GFRA1: variants seen among roughly 807,000 people sequenced by gnomAD.
GFRA1 encodes the protein GDNF family receptor alpha 1.
GFRA1 carries 16 observed loss-of-function variants against 51.6 expected under a neutral mutation model. That is an observed-to-expected ratio of 0.31 (90% CI 0.21 to 0.47). The LOEUF (loss-of-function observed/expected upper bound fraction) is 0.47. GFRA1 is among the 20% of genes least tolerant of loss of function. The pLI is 1.00. For synonymous variants in GFRA1, 270 were observed against 241.3 expected (o/e 1.12, Z -1.10); for missense variants, 530 against 594.3 (o/e 0.89, Z 1.13).
chr10:116,266,076 C>G (rs973798022), intron 4 of GFRA1, among the ~76,000 whole-genome samples: 1 of 152,164 alleles, frequency 6.6e-6, no homozygotes, highest in African/African-American at 2.4e-5. Flanking sequence ...CAACGGGCCA[C>G]TGATAATACC....
At chr10:116,076,565 G>A (rs188816978) in intron 9 of GFRA1, among the ~76,000 whole-genome samples, 1 of 152,302 alleles carries the variant, frequency 6.6e-6, no homozygotes, top group African/African-American at 2.4e-5. Flanking sequence ...TTCACATAAA[G>A]GTACCACACT....
At chr10:116,257,086 T>C (rs1968922476) in intron 4 of GFRA1, among the ~76,000 whole-genome samples, 1 of 152,188 alleles carries the variant, frequency 6.6e-6, no homozygotes, top group Non-Finnish European at 1.5e-5. Flanking sequence ...ACATCCCCAC[T>C]GTCCACCAGG....
chr10:116,072,708 T>C lies in GFRA1; in HGVS notation c.1198-7082A>G, dbSNP rs531336378. ...CCCGGGAGGGGGAGGTTGCAGTGAG[T>C]TGAGATCACACCACTGCACTCCAGC... On this transcript the variant is annotated intron_variant, in intron 9 of 10. Transcript: ENST00000355422. Among the ~76,000 whole-genome samples the C allele has an allele frequency of 4.6e-5, 7 of 151,726 alleles. No homozygotes were observed. In the East Asian group the frequency reaches 1.4e-3, roughly 29 times the overall value.
chr10:116,191,155 G>A (rs1963224628), intron 5 of GFRA1, among the ~76,000 whole-genome samples: 1 of 152,268 alleles, frequency 6.6e-6, no homozygotes, highest in Non-Finnish European at 1.5e-5. Flanking sequence ...GGAGACATTT[G>A]TTGAAAATTG....
chr10:116,212,026 A>ACTTT (rs1965230105), intron 4 of GFRA1, among the ~76,000 whole-genome samples: 1 of 152,238 alleles, frequency 6.6e-6, no homozygotes, highest in Non-Finnish European at 1.5e-5. Context: ...CAACAATCTT[A>ACTTT]TAAAGTAAGT....
intron 5 of GFRA1, among the ~76,000 whole-genome samples, chr10:116,168,617 G>A (rs1027542315): frequency 2.0e-5 from 3 of 152,156 alleles, no homozygotes; most frequent in African/African-American, 7.2e-5. Flanking sequence ...TTCCCTTCAG[G>A]TGGATCATGG....
At chr10:116,166,786 T>C (rs901700300) in intron 5 of GFRA1, among the ~76,000 whole-genome samples, 3 of 49,564 alleles carry the variant, frequency 6.1e-5, no homozygotes, top group African/African-American at 3.2e-4. Context: ...TCTTCTTTTT[T>C]TTTTTTTTTT....
intron 6 of GFRA1, among the ~76,000 whole-genome samples, chr10:116,109,981 G>C (rs1957145192): frequency 6.6e-6 from 1 of 152,268 alleles, no homozygotes; most frequent in Non-Finnish European, 1.5e-5. Flanking sequence ...GTCTGGCACA[G>C]AGTTCAGTGC....
In GFRA1 at chr10:116,064,510, C is replaced by T. The variant is rs752400771; in HGVS notation, c.1286G>A (p.Ser429Asn). The T allele has an allele frequency of 3.1e-6, 5 of 1,613,508 alleles. No individual in the cohort carries two copies. The highest frequency in any genetic ancestry group is 2.2e-5 in the South Asian group (2 of 91,028). Residue 429 changes from serine to asparagine, a missense_variant, in exon 11 of 11, where the codon AGC becomes AAC. Physicochemically the swap from Ser to Asn is conservative, Grantham distance 46. Coordinates refer to ENST00000355422, the MANE Select transcript of GFRA1 (RefSeq NM_005264.8). ...AGCCATTGATTTTGTGGTTATGTGG[C>T]TGGAAGCACCGAGACCTTCTTTTTC... Reference protein sequence around the residue: ...NYEKEGLGASSHITTKSMAAP... With the variant: ...NYEKEGLGASNHITTKSMAAP...
chr10:116,194,367 T>C (rs1963551340), intron 5 of GFRA1, among the ~76,000 whole-genome samples: 2 of 152,178 alleles, frequency 1.3e-5, no homozygotes, highest in South Asian at 4.1e-4. Flanking sequence ...CACCCTCACC[T>C]TGCTGGGTCA....
chr10:116,195,572 C>T (rs1243506445), intron 5 of GFRA1, among the ~76,000 whole-genome samples: 1 of 152,214 alleles, frequency 6.6e-6, no homozygotes, highest in Admixed American at 6.5e-5. Context: ...GCTGATCTGA[C>T]AGGAGGTGAA....
At chr10:116,151,284 G>C (rs1172187936) in intron 5 of GFRA1, among the ~76,000 whole-genome samples, 1 of 152,140 alleles carries the variant, frequency 6.6e-6, no homozygotes, top group Non-Finnish European at 1.5e-5. Flanking sequence ...GTTGGCCTCT[G>C]TTAGCCACAA....
At chr10:116,167,169 CAGA>C (rs1425963985) in intron 5 of GFRA1, among the ~76,000 whole-genome samples, 2 of 152,134 alleles carry the variant, frequency 1.3e-5, no homozygotes, top group African/African-American at 2.4e-5. Context: ...CTTTAAATAG[CAGA>C]AGAACTTCCT....
chr10:116,113,943 C>T (rs141454798), intron 6 of GFRA1, among the ~76,000 whole-genome samples: 1 of 152,330 alleles, frequency 6.6e-6, no homozygotes, highest in East Asian at 1.9e-4. Flanking sequence ...GCCATCCACT[C>T]GTTCCTACAA....
intron 5 of GFRA1, among the ~76,000 whole-genome samples, chr10:116,176,722 CTCCCTCCTTCCT>C (rs1433797547): frequency 1.5e-4 from 19 of 129,954 alleles, no homozygotes; most frequent in African/African-American, 5.0e-4. Context: ...CCCTCCCTCC[CTCCCTCCTTCCT>C]TCCTTCCTTC....
At position 116,205,596 on chromosome 10, in the gene GFRA1, G is replaced by GAT. The variant is rs140642664; in HGVS notation, c.433+6033_433+6034dup. Among the ~76,000 whole-genome samples the GAT allele has an allele frequency of 9.5e-3, 1,327 of 140,360 alleles. 7 individuals are homozygous for GAT. The highest frequency in any genetic ancestry group is 0.016 in the East Asian group (74 of 4,584). 92.1% of individuals were successfully genotyped at this position (140,360 alleles called of 152,430 possible). A position where few individuals can be genotyped will look rare whatever the true frequency, so the allele number is the denominator to read the frequency against. ...CTCAAAAAAGAAAGGAAAAAAAAAAGATATATATATATATATATATATATA... is the reference window on the plus strand; with the variant it reads ...CTCAAAAAAGAAAGGAAAAAAAAAAGATATATATATATATATATATATATATA... On this transcript the variant is annotated intron_variant, in intron 5 of 10. Coordinates refer to ENST00000355422, the MANE Select transcript of GFRA1 (RefSeq NM_005264.8).
intron 4 of GFRA1, among the ~76,000 whole-genome samples, chr10:116,218,688 T>C (rs1965726616): frequency 6.6e-6 from 1 of 152,164 alleles, no homozygotes. Flanking sequence ...CACAATAAGG[T>C]TGCTCAAACT....
intron 4 of GFRA1, among the ~76,000 whole-genome samples, chr10:116,228,762 C>T (rs1386936236): frequency 5.3e-5 from 8 of 151,696 alleles, no homozygotes. Flanking sequence ...GCGGGCAGAT[C>T]ACGAGGTCAG....
intron 4 of GFRA1, among the ~76,000 whole-genome samples, chr10:116,259,344 T>C (rs4309071): frequency 0.99 from 148,594 of 149,650 alleles, 73,781 homozygotes; most frequent in East Asian, 1. Flanking sequence ...TTTTTTAACA[T>C]TGTGTAATGC....
Sources: gnomAD v4.1 joint callset for allele counts (sites outside exome capture counted in the v4.1 genomes callset) on GRCh38, gnomAD v4.1.1 for gene constraint, MANE v1.5 for transcripts, NCBI Gene and HGNC (gene_info 2026-07-23, HGNC 2026-07-21) for gene names.